GYPE: variants seen among roughly 807,000 people sequenced by gnomAD.
The protein encoded by GYPE is glycophorin-E.
Under a neutral mutation model 11.6 loss-of-function variants are expected in GYPE, and 8 were observed. The ratio of observed to expected loss-of-function variants is 0.69; its 90% confidence interval spans 0.41 to 1.25. GYPE has a LOEUF of 1.25. Ranked by LOEUF, GYPE falls within the 50% of genes most tolerant of loss-of-function variation. The pLI is 0.01. For missense variants in GYPE, 90 were observed against 92.8 expected, an observed-to-expected ratio of 0.97 and a Z score of 0.12; for synonymous variants, 28 against 29.6, an observed-to-expected ratio of 0.94 and a Z score of 0.18.
rs113766619 is a variant in GYPE at position 143,894,129 on chromosome 4, C to T, written c.37+11342G>A. Among the ~76,000 whole-genome samples, 168 of 152,214 alleles carry T rather than the reference C, an allele frequency of 1.1e-3. 1 individual carries two copies. The South Asian group carries it at 0.018, about 16-fold the overall frequency. On this transcript the variant is annotated intron_variant, in intron 1 of 3. Coordinates refer to ENST00000358615, the MANE Select transcript of GYPE (RefSeq NM_198682.3). ...GCTCCTGAGGCTTCTGCATTATTCA[C>T]GTAGTTCTCGAGGCTTGGCTTTCAA...
intron 1 of GYPE, among the ~76,000 whole-genome samples, chr4:143,894,138 C>A (rs555955111): frequency 6.6e-6 from 1 of 152,164 alleles, no homozygotes; most frequent in African/African-American, 2.4e-5. Flanking sequence ...ACGTAGTTCT[C>A]GAGGCTTGGC....
intron 1 of GYPE, among the ~76,000 whole-genome samples, chr4:143,889,341 C>T (rs1744317214): frequency 6.6e-6 from 1 of 152,022 alleles, no homozygotes; most frequent in Non-Finnish European, 1.5e-5. Context: ...ATTCTTCAGC[C>T]TGGACAGATG....
chr4:143,904,647 C>G (rs1193592145), intron 1 of GYPE, among the ~76,000 whole-genome samples: 6 of 152,234 alleles, frequency 3.9e-5, no homozygotes, highest in Admixed American at 1.3e-4. Flanking sequence ...ATCCTTGATA[C>G]TTGCTCTCAC....
intron 1 of GYPE, among the ~76,000 whole-genome samples, chr4:143,898,096 A>T (rs898546562): frequency 3.9e-5 from 6 of 152,178 alleles, no homozygotes; most frequent in African/African-American, 1.4e-4. Flanking sequence ...GATAGGTTAC[A>T]ACTGGTGCAA....
intron 3 of GYPE, among the ~76,000 whole-genome samples, chr4:143,873,889 A>G (rs1743698813): frequency 1.3e-5 from 2 of 152,084 alleles, no homozygotes; most frequent in African/African-American, 4.8e-5. Context: ...GATGCTTCCC[A>G]CAGGACTGAA....
At chr4:143,898,155 T>C (rs1744729587) in intron 1 of GYPE, among the ~76,000 whole-genome samples, 1 of 152,180 alleles carries the variant, frequency 6.6e-6, no homozygotes, top group South Asian at 2.1e-4. Flanking sequence ...GGCAGGTGGA[T>C]TGCCTGAGCT....
chr4:143,901,616 G>C (rs1476713093), intron 1 of GYPE, among the ~76,000 whole-genome samples: 4 of 144,244 alleles, frequency 2.8e-5, no homozygotes, highest in Non-Finnish European at 4.5e-5. Flanking sequence ...GCCTGATTTT[G>C]TCAGCACCAT....
intron 1 of GYPE, among the ~76,000 whole-genome samples, chr4:143,895,852 G>A (rs1015446884): frequency 6.2e-4 from 94 of 152,036 alleles, no homozygotes; most frequent in African/African-American, 1.6e-3. Context: ...AAATAACGCC[G>A]CACATCTACA....
intron 3 of GYPE, among the ~76,000 whole-genome samples, chr4:143,875,987 A>T (rs4835354): frequency 0.25 from 38,253 of 151,666 alleles, 4,986 homozygotes; most frequent in East Asian, 0.36. Flanking sequence ...AAAAAAAAAA[A>T]TAAAAAAAGC....
At chr4:143,878,810 T>G (rs1448928820) in intron 2 of GYPE, 1 of 371,560 alleles carries the variant, frequency 2.7e-6, no homozygotes, top group East Asian at 8.4e-5. Context: ...ACTTTCAACA[T>G]CTAGCTAGTA....
chr4:143,891,059 G>T (rs111772417), intron 1 of GYPE, among the ~76,000 whole-genome samples: 8 of 152,100 alleles, frequency 5.3e-5, no homozygotes, highest in Admixed American at 3.9e-4. Flanking sequence ...TCTGTTGAGA[G>T]CCCTTAGTAC....
At chr4:143,873,670 C>T (rs542196172) in intron 3 of GYPE, among the ~76,000 whole-genome samples, 2 of 152,242 alleles carry the variant, frequency 1.3e-5, no homozygotes, top group Non-Finnish European at 2.9e-5. Context: ...ATTATGTGAA[C>T]TCAGGCTGAA....
At chr4:143,894,424 T>C (rs1482236164) in intron 1 of GYPE, among the ~76,000 whole-genome samples, 1 of 151,972 alleles carries the variant, frequency 6.6e-6, no homozygotes, top group Admixed American at 6.6e-5. Context: ...CTCTGTTTTT[T>C]CCCCATCTTT....
intron 1 of GYPE, among the ~76,000 whole-genome samples, chr4:143,894,416 C>A (rs1367440935): frequency 3.9e-5 from 6 of 151,928 alleles, no homozygotes; most frequent in South Asian, 2.1e-4. Flanking sequence ...TTTTTCTGCT[C>A]TGTTTTTTCC....
At chr4:143,904,014 A>C (rs1377388874) in intron 1 of GYPE, among the ~76,000 whole-genome samples, 2 of 152,150 alleles carry the variant, frequency 1.3e-5, no homozygotes, top group African/African-American at 4.8e-5. Flanking sequence ...AAATATATGA[A>C]TACATATACA....
At chr4:143,902,382 A>C (rs1233813947) in intron 1 of GYPE, among the ~76,000 whole-genome samples, 1 of 151,868 alleles carries the variant, frequency 6.6e-6, no homozygotes, top group African/African-American at 2.4e-5. Context: ...TCTTCACTTA[A>C]CATGTGCTTT....
chr4:143,877,131 C>T (rs1182855712), intron 2 of GYPE, among the ~76,000 whole-genome samples: 2 of 152,152 alleles, frequency 1.3e-5, no homozygotes, highest in Admixed American at 6.5e-5. Flanking sequence ...CCAGACCCAG[C>T]GTTCTTCACT....
In GYPE at chr4:143,876,858, A is replaced by C; in HGVS notation, c.137-3T>G. 6.3e-7 allele frequency: 1 copy of C among 1,576,196 alleles called. No homozygotes were observed. The highest frequency in any genetic ancestry group is 1.7e-4 in the Middle Eastern group (1 of 5,996). ...CCACCAATTAATGAGTGTTATCCCT[A>C]CAGGAGATAAAGAGAGCGGCAAAAT... On this transcript the variant is annotated splice_polypyrimidine_tract_variant and splice_region_variant and intron_variant, in intron 2 of 3. Transcript: ENST00000358615.
chr4:143,878,327 G>C (rs1301124366), intron 2 of GYPE, among the ~76,000 whole-genome samples: 1 of 152,092 alleles, frequency 6.6e-6, no homozygotes, highest in East Asian at 1.9e-4. Flanking sequence ...TGTAGAGATA[G>C]ATTTTGCCAT....
Sources: allele counts gnomAD v4.1 joint callset (sites outside exome capture counted in the v4.1 genomes callset), GRCh38; gene constraint gnomAD v4.1.1; transcripts MANE v1.5; gene names NCBI Gene and HGNC (gene_info 2026-07-23, HGNC 2026-07-21).